CACNB4: variants seen among roughly 807,000 people sequenced by gnomAD.
CACNB4 encodes the protein calcium voltage-gated channel auxiliary subunit beta 4.
Under a neutral mutation model 71.2 loss-of-function variants are expected in CACNB4, and 32 were observed. That is an observed-to-expected ratio of 0.45 (90% CI 0.34 to 0.60). CACNB4 has a LOEUF of 0.60. Ranked by LOEUF, CACNB4 falls within the 20% of genes least tolerant of loss-of-function variation. CACNB4 has a pLI of 0.01. For synonymous variants in CACNB4, 231 were observed against 236.9 expected (o/e 0.97, Z 0.23); for missense variants, 464 against 647.9 (o/e 0.72, Z 3.08).
intron 4 of CACNB4, chr2:151,880,529 G>A (rs1347444324): frequency 6.9e-6 from 3 of 436,242 alleles, no homozygotes; most frequent in Non-Finnish European, 8.2e-6. Flanking sequence ...GGGATTTAAA[G>A]GTGCCCAGAG....
chr2:151,937,357 A>T (rs1218815096), intron 2 of CACNB4, among the ~76,000 whole-genome samples: 2 of 152,190 alleles, frequency 1.3e-5, no homozygotes, highest in Non-Finnish European at 2.9e-5. Context: ...CACTATGAAA[A>T]TGCAAAGAAC....
At chr2:151,971,389 C>T (rs2099872506) in intron 2 of CACNB4, 2 of 632,414 alleles carry the variant, frequency 3.2e-6, no homozygotes, top group Admixed American at 2.5e-5. Flanking sequence ...GCGGATGGTT[C>T]CCCAACCCCC....
rs2099834573 is a variant in CACNB4 at position 151,834,904 on chromosome 2, A to C, written c.*4215T>G. ...CAAGGATGAGTTTTATATAATTTAA[A>C]AAAACACAACATGCAACATTGTCAT... On this transcript the variant is annotated 3_prime_UTR_variant, in exon 14 of 14. Coordinates refer to ENST00000539935, the MANE Select transcript of CACNB4 (RefSeq NM_000726.5). 1 of 152,134 alleles carries C rather than the reference A, an allele frequency of 6.6e-6. No homozygotes were observed. The highest frequency in any genetic ancestry group is 1.9e-4 in the East Asian group (1 of 5,194). The allele number at this position is 152,134 out of a possible 1,614,324, so 9.4% of individuals were successfully genotyped here.
At chr2:151,883,128 A>G (rs2099848393) in intron 3 of CACNB4, 123 bp downstream of exon 3, 4 of 1,006,698 alleles carry the variant, frequency 4.0e-6, no homozygotes, top group Admixed American at 2.0e-5. Context: ...GAGCTTCCCA[A>G]TCTGGAGCCT....
chr2:151,951,299 A>T (rs147031069), intron 2 of CACNB4, among the ~76,000 whole-genome samples: 1 of 152,032 alleles, frequency 6.6e-6, no homozygotes, highest in Non-Finnish European at 1.5e-5. Flanking sequence ...TTAAAAAAAA[A>T]AACAACTAAT....
chr2:151,875,562 AG>A (rs1207937682), intron 5 of CACNB4, among the ~76,000 whole-genome samples: 1 of 150,620 alleles, frequency 6.6e-6, no homozygotes, highest in African/African-American at 2.5e-5. Flanking sequence ...ACTTCCCAGT[AG>A]GGGCGGCCGG....
intron 2 of CACNB4, among the ~76,000 whole-genome samples, chr2:152,069,881 C>T (rs1351428637): frequency 2.2e-5 from 3 of 135,234 alleles, no homozygotes; most frequent in African/African-American, 5.6e-5. Context: ...CTCGCTCAGT[C>T]GCCCAGGCTG....
intron 2 of CACNB4, among the ~76,000 whole-genome samples, chr2:152,027,171 G>C (rs537953112): frequency 7.9e-5 from 12 of 152,320 alleles, no homozygotes; most frequent in Admixed American, 5.2e-4. Context: ...CCAAAGTGTT[G>C]AGATTACAGG....
chr2:151,952,186 G>A (rs773616453), intron 2 of CACNB4, among the ~76,000 whole-genome samples: 1 of 151,892 alleles, frequency 6.6e-6, no homozygotes, highest in Non-Finnish European at 1.5e-5. Context: ...AGTAAACAAC[G>A]ATCTAAACCA....
At chr2:152,000,026 C>T (rs746527829) in intron 2 of CACNB4, among the ~76,000 whole-genome samples, 10 of 152,200 alleles carry the variant, frequency 6.6e-5, no homozygotes, top group Non-Finnish European at 1.5e-4. Context: ...AATCCTATAG[C>T]CTTTACTTAG....
rs1023638891 is a variant in CACNB4, at chr2:151,836,823, A to G, written c.*2296T>C. On this transcript the variant is annotated 3_prime_UTR_variant, in exon 14 of 14. Transcript: ENST00000539935. ...AAATGCTGTTACAGCTACCTGCCAT[A>G]AAATGTAAGTATCTTAAAGTAGTTA... is the stretch of plus-strand genomic sequence containing the variant. The G allele has an allele frequency of 2.0e-5, 3 of 151,990 alleles. No individual in the cohort carries two copies. Among genetic ancestry groups the G allele is most frequent in the African/African-American group, 7.2e-5 (3 of 41,458 alleles). 9.4% of individuals were successfully genotyped at this position (151,990 alleles called of 1,614,324 possible). A position where few individuals can be genotyped will look rare whatever the true frequency, so the allele number is the denominator to read the frequency against.
chr2:151,978,333 T>G (rs563467660), intron 2 of CACNB4, among the ~76,000 whole-genome samples: 8 of 152,256 alleles, frequency 5.3e-5, no homozygotes, highest in African/African-American at 1.7e-4. Flanking sequence ...TTAATTTTTT[T>G]AAGGGAAGAA....
chr2:151,985,466 A>G (rs77296074), intron 2 of CACNB4, among the ~76,000 whole-genome samples: 1,544 of 152,286 alleles, frequency 0.01, 26 homozygotes, highest in African/African-American at 0.035. Context: ...TTCTTGGGTC[A>G]AAGTATATGA....
chr2:151,994,309 G>T (rs773104156), intron 2 of CACNB4, among the ~76,000 whole-genome samples: 6 of 142,754 alleles, frequency 4.2e-5, no homozygotes, highest in Non-Finnish European at 7.6e-5. Context: ...GCTTTACAAA[G>T]CGATTCTTCT....
chr2:151,887,178 A>T (rs1458079657), intron 2 of CACNB4, among the ~76,000 whole-genome samples: 1 of 151,910 alleles, frequency 6.6e-6, no homozygotes, highest in East Asian at 1.9e-4. Flanking sequence ...AAAAGACCTG[A>T]TGGAAGCCCC....
rs566297666 is a variant in CACNB4, at chr2:151,891,972, G to A, written c.148-8602C>T. Among the ~76,000 whole-genome samples, 7 of 152,244 alleles carry A rather than the reference G, an allele frequency of 4.6e-5. 1 individual carries two copies. Among genetic ancestry groups the A allele is most frequent in the Admixed American group, 6.5e-5 (1 of 15,294 alleles). On this transcript the variant is annotated intron_variant, in intron 2 of 13. Coordinates refer to ENST00000539935, the MANE Select transcript of CACNB4 (RefSeq NM_000726.5). ...AGGGTGGCTCCCGCTGGCTGATCCC[G>A]GCAGTTGCACTTGGCAGCATTAGAC...
chr2:152,073,691 G>A (rs531746165), intron 2 of CACNB4, among the ~76,000 whole-genome samples: 1 of 152,160 alleles, frequency 6.6e-6, no homozygotes, highest in African/African-American at 2.4e-5. Flanking sequence ...AAGAGATAAT[G>A]GTGGGCAGAT....
chr2:151,891,004 T>G (rs1465159983), intron 2 of CACNB4, among the ~76,000 whole-genome samples: 1 of 152,216 alleles, frequency 6.6e-6, no homozygotes, highest in East Asian at 1.9e-4. Flanking sequence ...GTAATTAAAT[T>G]ATAACTATAT....
rs1559833690 is a variant in CACNB4 at position 151,835,261 on chromosome 2, T to A, written c.*3858A>T. The A allele has an allele frequency of 1.3e-5, 2 of 152,076 alleles. No individual in the cohort carries two copies. The highest frequency in any genetic ancestry group is 3.9e-4 in the East Asian group (2 of 5,186). The allele number at this position is 152,076 out of a possible 1,614,324, so 9.4% of individuals were successfully genotyped here. A position where few individuals can be genotyped will look rare whatever the true frequency, so the allele number is the denominator to read the frequency against. On this transcript the variant is annotated 3_prime_UTR_variant, in exon 14 of 14. Transcript: ENST00000539935. The stretch of plus-strand genomic sequence containing the variant: ...ATTAACCTTGCCTCATGATAAACTG[T>A]GAACCAATTCAAAGAAAACTTCACT...
Sources: gnomAD v4.1 joint callset for allele counts (sites outside exome capture counted in the v4.1 genomes callset) on GRCh38, gnomAD v4.1.1 for gene constraint, MANE v1.5 for transcripts, NCBI Gene and HGNC (gene_info 2026-07-23, HGNC 2026-07-21) for gene names.